AUTS2: variants seen among roughly 807,000 people sequenced by gnomAD.
AUTS2 encodes autism susceptibility gene 2 protein.
AUTS2 carries 17 observed loss-of-function variants against 112.4 expected under a neutral mutation model. The ratio of observed to expected loss-of-function variants is 0.15; its 90% CI spans 0.10 to 0.23. The LOEUF (loss-of-function observed/expected upper bound fraction) is 0.23, where lower values mean the gene tolerates loss of function less well. AUTS2 is among the 10% of genes least tolerant of loss of function. The pLI is 1.00. For missense variants in AUTS2, 1,510 were observed against 1,701.6 expected (o/e 0.89, Z 1.98); for synonymous variants, 751 against 702.7 (o/e 1.07, Z -1.09).
chr7:69,778,728 G>A lies in AUTS2; in HGVS notation c.310-120558G>A, dbSNP rs890078790. ...TTCTAGCTGTTTCTTGGGACAGACT[G>A]ATGAGTTTGTGAGCTCTTAGGAGTC... On this transcript the variant is annotated intron_variant, in intron 1 of 18. Coordinates refer to ENST00000342771, the MANE Select transcript of AUTS2 (RefSeq NM_015570.4). Among the ~76,000 whole-genome samples, 138 of 152,300 alleles carry A rather than the reference G, an allele frequency of 9.1e-4. 1 individual carries two copies. The highest frequency in any genetic ancestry group is 3.0e-3 in the African/African-American group (124 of 41,556).
At chr7:70,717,743 G>A (rs554452879) in intron 6 of AUTS2, among the ~76,000 whole-genome samples, 1 of 152,156 alleles carries the variant, frequency 6.6e-6, no homozygotes, top group Non-Finnish European at 1.5e-5. Context: ...CTTTGGCTCT[G>A]GGTGCCAGTC....
chr7:69,754,831 A>G (rs1254653122), intron 1 of AUTS2, among the ~76,000 whole-genome samples: 1 of 152,168 alleles, frequency 6.6e-6, no homozygotes, highest in Non-Finnish European at 1.5e-5. Flanking sequence ...GAGCATAAGT[A>G]ATTTGTTTGC....
intron 1 of AUTS2, among the ~76,000 whole-genome samples, chr7:69,616,307 C>G (rs1793370871): frequency 6.6e-6 from 1 of 152,154 alleles, no homozygotes; most frequent in African/African-American, 2.4e-5. Flanking sequence ...AGGTGGCTGC[C>G]ATGTTGCCCA....
chr7:70,781,982 A>T (rs1791120075), intron 15 of AUTS2: 2 of 559,066 alleles, frequency 3.6e-6, no homozygotes, highest in Non-Finnish European at 6.2e-6. Context: ...CCTTACAGGG[A>T]TTCACATTGC....
rs559027727 is a variant in AUTS2, at chr7:69,836,216, C to T, written c.310-63070C>T. On this transcript the variant is annotated intron_variant, in intron 1 of 18. Transcript: ENST00000342771. Reference sequence around the variant, plus strand: ...TCAGCTTAGTATAAACAGATTTCTGCTCAGATTAGCTGAGAAGGCATACAC... The same window carrying T: ...TCAGCTTAGTATAAACAGATTTCTGTTCAGATTAGCTGAGAAGGCATACAC... 4.6e-5 allele frequency among the ~76,000 whole-genome samples: 7 copies of T among 152,150 alleles called. No individual in the cohort carries two copies. In the South Asian group the frequency reaches 1.2e-3, roughly 27 times the overall value.
rs559249170 is a variant in AUTS2, at chr7:70,491,409, C to T, written c.690+55628C>T. ...CAAGTTAAATGACTTGGTGTGTGTG[C>T]GTGTGTGTATACACACACACACACA... On this transcript the variant is annotated intron_variant, in intron 5 of 18. Transcript: ENST00000342771. Among the ~76,000 whole-genome samples the T allele has an allele frequency of 9.1e-3, 1,100 of 120,820 alleles. 16 individuals are homozygous for T. The highest frequency in any genetic ancestry group is 0.036 in the African/African-American group (1,012 of 28,064). 79.3% of individuals were successfully genotyped at this position (120,820 alleles called of 152,430 possible).
chr7:70,477,889 T>C (rs1797641444), intron 5 of AUTS2, among the ~76,000 whole-genome samples: 1 of 152,248 alleles, frequency 6.6e-6, no homozygotes, highest in African/African-American at 2.4e-5. Flanking sequence ...TGTTGGGTCA[T>C]CCGGGGAACT....
intron 4 of AUTS2, among the ~76,000 whole-genome samples, chr7:70,267,920 AACCCAG>A (rs1787513746): frequency 6.6e-6 from 1 of 152,318 alleles, no homozygotes; most frequent in South Asian, 2.1e-4. Flanking sequence ...ACGCTGCTTA[AACCCAG>A]ACTTATTGCC....
chr7:70,690,269 C>A (rs1235748679), intron 5 of AUTS2, among the ~76,000 whole-genome samples: 1 of 152,202 alleles, frequency 6.6e-6, no homozygotes, highest in Admixed American at 6.5e-5. Context: ...GCTTGCAGAA[C>A]CTTTAGAACT....
chr7:69,840,106 A>G (rs1043487003), intron 1 of AUTS2, among the ~76,000 whole-genome samples: 18 of 152,138 alleles, frequency 1.2e-4, no homozygotes, highest in Non-Finnish European at 2.4e-4. Context: ...TTCCCCCTCT[A>G]TCTTAAATAT....
rs11769169 is a variant in AUTS2 at position 70,572,463 on chromosome 7, T to C, written c.691-126106T>C. On this transcript the variant is annotated intron_variant, in intron 5 of 18. Transcript: ENST00000342771. ...TCTAAGAGAAGGCAGGGATGGGGGG[T>C]GGGGGTGGGGAGGCAGGAAAAGGGG... 2.8e-3 allele frequency among the ~76,000 whole-genome samples: 18 copies of C among 6,488 alleles called. No homozygotes were observed. In the East Asian group the frequency reaches 0.029, roughly 10 times the overall value. 4.3% of individuals were successfully genotyped at this position (6,488 alleles called of 152,430 possible).
chr7:70,267,282 T>TC (rs1787477515), intron 4 of AUTS2, among the ~76,000 whole-genome samples: 1 of 152,062 alleles, frequency 6.6e-6, no homozygotes, highest in African/African-American at 2.4e-5. Flanking sequence ...ATGTTTCTTT[T>TC]TTTTTTTTTC....
chr7:69,682,483 G>T (rs1796843066), intron 1 of AUTS2, among the ~76,000 whole-genome samples: 1 of 152,140 alleles, frequency 6.6e-6, no homozygotes, highest in Admixed American at 6.5e-5. Context: ...TTCTAGCTGT[G>T]TAATCCTGGT....
intron 6 of AUTS2, among the ~76,000 whole-genome samples, chr7:70,715,913 C>T (rs1420117731): frequency 6.6e-6 from 1 of 152,184 alleles, no homozygotes; most frequent in African/African-American, 2.4e-5. Flanking sequence ...CATGGTGACC[C>T]ACAGGGTGCT....
At chr7:69,884,947 T>G (rs1343992355) in intron 1 of AUTS2, among the ~76,000 whole-genome samples, 1 of 152,204 alleles carries the variant, frequency 6.6e-6, no homozygotes, top group Non-Finnish European at 1.5e-5. Context: ...TCTGAAAACC[T>G]GCAGGATAGT....
At chr7:70,101,413 T>C (rs1804489458) in intron 2 of AUTS2, among the ~76,000 whole-genome samples, 1 of 151,246 alleles carries the variant, frequency 6.6e-6, no homozygotes, top group Non-Finnish European at 1.5e-5. Context: ...CCCTCCTTCC[T>C]TCTAAAAAGA....
intron 1 of AUTS2, among the ~76,000 whole-genome samples, chr7:69,754,974 C>T (rs2129275903): frequency 1.3e-5 from 2 of 152,258 alleles, no homozygotes; most frequent in South Asian, 4.2e-4. Flanking sequence ...TTTGCATTAG[C>T]AAATAACTTT....
rs10618080 is a variant in AUTS2, at chr7:70,197,261, C to CCACACACA, written c.660+62708_660+62715dup. 1.4e-4 allele frequency among the ~76,000 whole-genome samples: 21 copies of CCACACACA among 149,222 alleles called. 1 individual carries two copies. The South Asian group carries it at 1.7e-3, about 12-fold the overall frequency. On this transcript the variant is annotated intron_variant, in intron 4 of 18. Transcript: ENST00000342771. Reference sequence around the variant, plus strand: ...CTAAATAGTTGCCAAAATTCTTAGTCCACACACACACACACACACACACAC... The same window carrying CCACACACA: ...CTAAATAGTTGCCAAAATTCTTAGTCCACACACACACACACACACACACACACACACAC...
At chr7:70,300,886 A>G (rs549467779) in intron 4 of AUTS2, among the ~76,000 whole-genome samples, 1 of 152,318 alleles carries the variant, frequency 6.6e-6, no homozygotes, top group Non-Finnish European at 1.5e-5. Context: ...AGGATATTGC[A>G]TAGATTGTAA....
Sources: gnomAD v4.1 joint callset for allele counts (sites outside exome capture counted in the v4.1 genomes callset) on GRCh38, gnomAD v4.1.1 for gene constraint, MANE v1.5 for transcripts, NCBI Gene and HGNC (gene_info 2026-07-23, HGNC 2026-07-21) for gene names.